Variants in IGSF9B observed in about 807,000 individuals in gnomAD.
The protein encoded by IGSF9B is immunoglobulin superfamily member 9B, also known as protein turtle homolog B.
IGSF9B carries 48 observed loss-of-function variants against 143.7 expected under a neutral mutation model. The observed-to-expected ratio is 0.33, with a 90% confidence interval of 0.26 to 0.42. IGSF9B has a LOEUF of 0.42. IGSF9B is among the 20% of genes least tolerant of loss of function. The pLI, the probability that IGSF9B is intolerant of heterozygous loss-of-function variation, is 1.00. For missense variants in IGSF9B, 1,706 were observed against 1,980.0 expected (o/e 0.86, Z 2.63); for synonymous variants, 903 against 833.1 (o/e 1.08, Z -1.44).
At chr11:133,914,450 G>A (rs1939346608) in intron 18 of IGSF9B, among the ~76,000 whole-genome samples, 1 of 152,244 alleles carries the variant, frequency 6.6e-6, no homozygotes, top group African/African-American at 2.4e-5. Context: ...CTGACATTCT[G>A]TGCTTTGGTG....
rs1319343708 is a variant in IGSF9B at position 133,902,183 on chromosome 11, C to T, written c.*6886G>A. On this transcript the variant is annotated 3_prime_UTR_variant, in exon 20 of 20. Transcript: ENST00000533871. ...CCACACACACCAAACACACACACACCAAACACACCAGACACACCACAAGCA... is the reference window on the plus strand; with the variant it reads ...CCACACACACCAAACACACACACACTAAACACACCAGACACACCACAAGCA... Among the ~76,000 whole-genome samples the T allele has an allele frequency of 7.0e-6, 1 of 142,862 alleles. No homozygotes were observed. The highest frequency in any genetic ancestry group is 2.2e-4 in the East Asian group (1 of 4,600). 93.7% of individuals were successfully genotyped at this position (142,862 alleles called of 152,430 possible).
intron 1 of IGSF9B, among the ~76,000 whole-genome samples, chr11:133,954,591 C>G (rs1940217784): frequency 6.6e-6 from 1 of 152,180 alleles, no homozygotes; most frequent in Non-Finnish European, 1.5e-5. Flanking sequence ...TTATAACACT[C>G]ATGTCCACCT....
intron 1 of IGSF9B, among the ~76,000 whole-genome samples, chr11:133,949,693 G>T (rs560693738): frequency 3.9e-5 from 6 of 152,150 alleles, no homozygotes; most frequent in Admixed American, 2.0e-4. Context: ...GAGCCTGGGT[G>T]GGGGCAGATG....
chr11:133,932,046 C>T (rs370330896), intron 8 of IGSF9B, 25 bp downstream of exon 8: 35 of 1,596,618 alleles, frequency 2.2e-5, no homozygotes, highest in Non-Finnish European at 2.7e-5. Context: ...CTCACTCCAA[C>T]CCTCAACATG....
rs752696911 is a variant in IGSF9B at position 133,931,156 on chromosome 11, A to C, written c.1369-22T>G. 7 of 1,604,216 alleles carry C rather than the reference A, an allele frequency of 4.4e-6. No homozygotes were observed. The African/African-American group carries it at 8.0e-5, about 18-fold the overall frequency. On this transcript the variant is annotated intron_variant, in intron 10 of 19. Transcript: ENST00000533871. The surrounding 1 kb of genome is among the most constrained non-coding windows in gnomAD (Gnocchi z 7.7). ...CTACCTTGGTGAACAAGGGGCAGGG[A>C]AGAGGGTGGGAACAGAAATGGGGGT... is the stretch of plus-strand genomic sequence containing the variant.
rs1393750452 is a variant in IGSF9B, at chr11:133,920,273, T to A, written c.3452A>T (p.Glu1151Val). 1 of 1,520,550 alleles carries A rather than the reference T, an allele frequency of 6.6e-7. No homozygotes were observed. Among genetic ancestry groups the A allele is most frequent in the African/African-American group, 1.4e-5 (1 of 71,788 alleles). 94.2% of individuals were successfully genotyped at this position (1,520,550 alleles called of 1,614,324 possible). ...GCCGTGCGCCCCCGGCTCAGCCGGCTCGGGGTAAGGCAGCACAGGTATGCC... is the reference window on the plus strand; with the variant it reads ...GCCGTGCGCCCCCGGCTCAGCCGGCACGGGGTAAGGCAGCACAGGTATGCC... ...GMGIPVLPYP[E>V]PAEPGAHGGP... The change falls in exon 18 of 20, where the codon GAG (glutamate) becomes GTG (valine). Residue 1151 changes from glutamate (E) to valine (V), a missense_variant. Coordinates refer to ENST00000533871, the MANE Select transcript of IGSF9B (RefSeq NM_001277285.4).
Position 133,921,135 on chromosome 11 carries a change from C to A in IGSF9B, c.2590G>T (p.Glu864Ter). Residue 864 changes from glutamate to a stop codon, truncating the protein, a stop_gained, in exon 18 of 20, where the codon GAG becomes TAG. Transcript: ENST00000533871. LOFTEE classifies it high-confidence loss of function. ...CTGCTCTTCAGCGAGGGCTCCATCT[C>A]GGCAGGGTCCATCACGAAGCGGCCG... ...PDGRFVMDPA[E>*]MEPSLKSRRI... 1 of 1,613,634 alleles carries A rather than the reference C, an allele frequency of 6.2e-7. No individual in the cohort carries two copies. Among genetic ancestry groups the A allele is most frequent in the Non-Finnish European group, 8.5e-7 (1 of 1,179,820 alleles).
intron 7 of IGSF9B, among the ~76,000 whole-genome samples, chr11:133,933,500 C>G (rs755657098): frequency 1.3e-5 from 2 of 152,226 alleles, no homozygotes; most frequent in African/African-American, 2.4e-5. Flanking sequence ...AATCTCAACA[C>G]TTTGGGAGGC....
Position 133,919,854 on chromosome 11 carries a change from G to T in IGSF9B, c.3871C>A (p.Pro1291Thr). Residue 1291 changes from proline to threonine, a missense_variant, in exon 18 of 20, where the codon CCT becomes ACT. Coordinates refer to ENST00000533871, the MANE Select transcript of IGSF9B (RefSeq NM_001277285.4). ...GYPSPPPGPA[P>T]AGPGDSLDVF... Reference sequence around the variant, plus strand: ...TCCAAGCTGTCCCCAGGCCCAGCAGGGGCGGGGCCGGGTGGAGGGGAAGGG... The same window carrying T: ...TCCAAGCTGTCCCCAGGCCCAGCAGTGGCGGGGCCGGGTGGAGGGGAAGGG... 3 of 1,585,828 alleles carry T rather than the reference G, an allele frequency of 1.9e-6. No individual in the cohort carries two copies. The highest frequency in any genetic ancestry group is 2.6e-6 in the Non-Finnish European group (3 of 1,165,594).
At chr11:133,947,478 G>A (rs529216476) in intron 1 of IGSF9B, among the ~76,000 whole-genome samples, 3 of 152,354 alleles carry the variant, frequency 2.0e-5, no homozygotes, top group South Asian at 4.1e-4. Context: ...CTGCAGTACC[G>A]AAGCGGCAGC....
chr11:133,927,272 C>T (rs897272166), intron 12 of IGSF9B, among the ~76,000 whole-genome samples, 181 bp from the exon 13 acceptor site: 1 of 152,236 alleles, frequency 6.6e-6, no homozygotes, highest in African/African-American at 2.4e-5. Flanking sequence ...CTGTGCCAAT[C>T]CTCCTGATGC....
At chr11:133,952,306 C>T (rs1214823544) in intron 1 of IGSF9B, 6 of 287,020 alleles carry the variant, frequency 2.1e-5, no homozygotes, top group Non-Finnish European at 4.2e-5. Context: ...AACTGAGACA[C>T]AGCCACACCC....
intron 12 of IGSF9B, 53 bp from the exon 13 acceptor site, chr11:133,927,144 TG>T (rs756477727): frequency 9.8e-6 from 14 of 1,434,234 alleles, no homozygotes; most frequent in South Asian, 1.3e-5. Context: ...TGGGTCACAC[TG>T]GAGAGAAGAG....
At position 133,905,527 on chromosome 11, in the gene IGSF9B, C is replaced by A. The variant is rs1222226005; in HGVS notation, c.*3542G>T. ...ACCCCAAATATTTTAGATCACAAAT[C>A]AAAAATAAAGACAGAGAGCATGGAA... is the stretch of plus-strand genomic sequence containing the variant. On this transcript the variant is annotated 3_prime_UTR_variant, in exon 20 of 20. Transcript: ENST00000533871. The surrounding 1 kb of genome is among the most constrained non-coding windows in gnomAD (Gnocchi z 4.0). Among the ~76,000 whole-genome samples the A allele has an allele frequency of 2.0e-5, 3 of 152,220 alleles. No individual in the cohort carries two copies. In the East Asian group the frequency reaches 5.8e-4, roughly 29 times the overall value.
rs1357807612 is a variant in IGSF9B at position 133,901,405 on chromosome 11, G to C, written c.*7664C>G. 1 of 152,102 alleles carries C rather than the reference G, an allele frequency of 6.6e-6. No individual in the cohort carries two copies. The highest frequency in any genetic ancestry group is 1.5e-5 in the Non-Finnish European group (1 of 68,038). 9.4% of individuals were successfully genotyped at this position (152,102 alleles called of 1,614,324 possible). On this transcript the variant is annotated 3_prime_UTR_variant, in exon 20 of 20. Transcript: ENST00000533871. ...CAAACTATGACTTCATATAGATATA[G>C]AGATATATAGACTTTATCTAGGTGT...
intron 15 of IGSF9B, among the ~76,000 whole-genome samples, chr11:133,924,032 C>T (rs1437235044): frequency 6.6e-6 from 1 of 152,204 alleles, no homozygotes; most frequent in African/African-American, 2.4e-5. Context: ...CCTGCCCCTG[C>T]TCTCGTGCTC....
At chr11:133,926,032 A>C in intron 13 of IGSF9B, 67 bp from the exon 14 acceptor site, 2 of 1,160,116 alleles carry the variant, frequency 1.7e-6, no homozygotes, top group Non-Finnish European at 2.5e-6. Context: ...CGCACCCCCC[A>C]CACTCCTGTG....
rs1424392717 is a variant in IGSF9B at position 133,948,049 on chromosome 11, A to T, written c.65-1791T>A. Among the ~76,000 whole-genome samples the T allele has an allele frequency of 8.8e-6, 1 of 113,596 alleles. No individual in the cohort carries two copies. Among genetic ancestry groups the T allele is most frequent in the Non-Finnish European group, 1.7e-5 (1 of 58,456 alleles). 74.5% of individuals were successfully genotyped at this position (113,596 alleles called of 152,430 possible). A position where few individuals can be genotyped will look rare whatever the true frequency, so the allele number is the denominator to read the frequency against. On this transcript the variant is annotated intron_variant, in intron 1 of 19. Coordinates refer to ENST00000533871, the MANE Select transcript of IGSF9B (RefSeq NM_001277285.4). The surrounding 1 kb of genome is among the most constrained non-coding windows in gnomAD (Gnocchi z 4.7). ...TCTCTCCCTGTTTCTGTCTACCAGC[A>T]TGTGTGCGTGTGTGTGTGTGTGTGT... is the stretch of plus-strand genomic sequence containing the variant.
intron 2 of IGSF9B, among the ~76,000 whole-genome samples, chr11:133,944,861 A>C (rs1940017956): frequency 6.6e-6 from 1 of 152,146 alleles, no homozygotes; most frequent in South Asian, 2.1e-4. Context: ...TTCCCTCTCT[A>C]GGGCAGAGGG....
Sources: gnomAD v4.1 joint callset for allele counts (sites outside exome capture counted in the v4.1 genomes callset) on GRCh38, gnomAD v4.1.1 for gene constraint, Gnocchi (gnomAD v3.1) non-coding constraint, MANE v1.5 for transcripts, NCBI Gene and HGNC (gene_info 2026-07-23, HGNC 2026-07-21) for gene names.